LOC400499: variants seen among roughly 807,000 people sequenced by gnomAD.
chr16:11,390,249 G>A, the LOC400499 span: 29 of 1,232,474 alleles, frequency 2.4e-5, no homozygotes, highest in Non-Finnish European at 2.9e-5. Context: ...ATCCTCACCT[G>A]CCAACTACGC....
At chr16:11,467,896 G>A in the LOC400499 span, among the ~76,000 whole-genome samples, 4 of 152,198 alleles carry the variant, frequency 2.6e-5, no homozygotes, top group African/African-American at 9.6e-5. Flanking sequence ...AAGCTGAGGT[G>A]ATGAGGGTGA....
At chr16:11,383,478 G>C in the LOC400499 span, among the ~76,000 whole-genome samples, 839 of 152,330 alleles carry the variant, frequency 5.5e-3, 5 homozygotes, top group African/African-American at 0.019. Context: ...CCTGCCTCGA[G>C]GGGACACACA....
the LOC400499 span, chr16:11,398,588 C>A: frequency 1.8e-6 from 2 of 1,089,736 alleles, no homozygotes; most frequent in Non-Finnish European, 2.3e-6. Context: ...GAGACCCTCA[C>A]CTAGGCAAGA....
At chr16:11,407,688 C>T in the LOC400499 span, among the ~76,000 whole-genome samples, 7 of 152,152 alleles carry the variant, frequency 4.6e-5, no homozygotes, top group African/African-American at 1.7e-4. Context: ...TGCCTGGGTG[C>T]GTGTCAGCAT....
At chr16:11,374,602 T>G in the LOC400499 span, among the ~76,000 whole-genome samples, 3 of 152,242 alleles carry the variant, frequency 2.0e-5, no homozygotes, top group Non-Finnish European at 4.4e-5. Flanking sequence ...TGTGACTGGC[T>G]TATTTCACTT....
chr16:11,424,409 G>A, the LOC400499 span: 7 of 399,002 alleles, frequency 1.8e-5, no homozygotes, highest in South Asian at 1.3e-4. Context: ...CCAGTCCACC[G>A]CATTTAGTCA....
At chr16:11,455,071 G>C in the LOC400499 span, among the ~76,000 whole-genome samples, 1 of 152,132 alleles carries the variant, frequency 6.6e-6, no homozygotes, top group African/African-American at 2.4e-5. Flanking sequence ...TCTGTAATTA[G>C]TAGACAAAAA....
the LOC400499 span, among the ~76,000 whole-genome samples, chr16:11,459,372 A>G: frequency 2.0e-5 from 3 of 151,260 alleles, no homozygotes; most frequent in Non-Finnish European, 2.9e-5. Flanking sequence ...AATTTTTTGT[A>G]TTTTTAGTAG....
chr16:11,447,332 C>T, the LOC400499 span, among the ~76,000 whole-genome samples: 1 of 152,090 alleles, frequency 6.6e-6, no homozygotes, highest in Non-Finnish European at 1.5e-5. Flanking sequence ...ACACAGTGGT[C>T]AGGGTTAGAG....
At chr16:11,507,986 T>G in the LOC400499 span, among the ~76,000 whole-genome samples, 4 of 152,290 alleles carry the variant, frequency 2.6e-5, no homozygotes, top group East Asian at 7.7e-4. Context: ...TATGTCCATG[T>G]CCTAAGCCCT....
At chr16:11,424,678 G>C in the LOC400499 span, among the ~76,000 whole-genome samples, 7 of 152,332 alleles carry the variant, frequency 4.6e-5, no homozygotes, top group Non-Finnish European at 8.8e-5. Flanking sequence ...ACAGGGGTCT[G>C]ATTGTGTGTC....
At chr16:11,400,279 T>C in the LOC400499 span, among the ~76,000 whole-genome samples, 1 of 151,974 alleles carries the variant, frequency 6.6e-6, no homozygotes, top group Non-Finnish European at 1.5e-5. Flanking sequence ...ACAGGGCCTT[T>C]GCACGGGCTT....
chr16:11,420,808 C>T, the LOC400499 span, among the ~76,000 whole-genome samples: 2 of 152,278 alleles, frequency 1.3e-5, no homozygotes, highest in African/African-American at 4.8e-5. Flanking sequence ...CCACCCCAGA[C>T]CTGCTGAATC....
chr16:11,405,153 C>G, the LOC400499 span, among the ~76,000 whole-genome samples: 2 of 152,208 alleles, frequency 1.3e-5, no homozygotes, highest in Non-Finnish European at 2.9e-5. Flanking sequence ...ATTTTTCAAC[C>G]TCTCTGAGCC....
chr16:11,389,072 G>C, the LOC400499 span, among the ~76,000 whole-genome samples: 1 of 152,062 alleles, frequency 6.6e-6, no homozygotes, highest in Non-Finnish European at 1.5e-5. Context: ...GGGCAACAAA[G>C]AACAAGACTC....
the LOC400499 span, chr16:11,484,764 A>T: frequency 7.5e-6 from 3 of 397,816 alleles, no homozygotes; most frequent in Non-Finnish European, 1.3e-5. Flanking sequence ...TTAATTCTGC[A>T]AGGAGGAGGC....
At chr16:11,493,208 T>C in the LOC400499 span, among the ~76,000 whole-genome samples, 1 of 152,164 alleles carries the variant, frequency 6.6e-6, no homozygotes, top group Non-Finnish European at 1.5e-5. Context: ...ACTTTTTCTG[T>C]AAAGGGACAG....
At chr16:11,495,877 A>C in the LOC400499 span, among the ~76,000 whole-genome samples, 1 of 152,284 alleles carries the variant, frequency 6.6e-6, no homozygotes, top group African/African-American at 2.4e-5. Context: ...TTAACCCAGG[A>C]GAGGCTGGCT....
At chr16:11,379,279 TA>T in the LOC400499 span, among the ~76,000 whole-genome samples, 1 of 152,206 alleles carries the variant, frequency 6.6e-6, no homozygotes, top group Non-Finnish European at 1.5e-5. Flanking sequence ...TGAAGTCTCC[TA>T]CCATTATCGT....
Sources: allele counts gnomAD v4.1 joint callset (sites outside exome capture counted in the v4.1 genomes callset), GRCh38; gene constraint gnomAD v4.1.1; transcripts MANE v1.5.